WDR11: variants seen among roughly 807,000 people sequenced by gnomAD.
WDR11 encodes the protein WD repeat domain 11, also known as WD repeat-containing protein 11.
Under a neutral mutation model 151.2 loss-of-function variants are expected in WDR11, and 83 were observed. That is an observed-to-expected ratio of 0.55 (90% confidence interval 0.46 to 0.66). The LOEUF (loss-of-function observed/expected upper bound fraction) is 0.66, where lower values mean the gene tolerates loss of function less well. WDR11 is among the 30% of genes least tolerant of loss of function. The pLI is 0.00. For synonymous variants in WDR11, 484 were observed against 533.1 expected (o/e 0.91, Z 1.27); for missense variants, 1,301 against 1,480.9 (o/e 0.88, Z 1.99).
At chr10:120,896,785 G>C (rs1348474203) in intron 19 of WDR11, among the ~76,000 whole-genome samples, 1 of 152,140 alleles carries the variant, frequency 6.6e-6, no homozygotes, top group Non-Finnish European at 1.5e-5. Flanking sequence ...AAATGGCGGT[G>C]GTGGGAAGAA....
intron 9 of WDR11, chr10:120,868,668 A>G (rs1043484625): frequency 1.3e-5 from 2 of 152,150 alleles, no homozygotes; most frequent in African/African-American, 4.8e-5. Flanking sequence ...CAGTCACACA[A>G]TGGAAGAGCC....
chr10:120,898,931 T>A (rs1479739433), intron 19 of WDR11, among the ~76,000 whole-genome samples: 2 of 152,198 alleles, frequency 1.3e-5, no homozygotes, highest in East Asian at 1.9e-4. Flanking sequence ...TCATTTTACA[T>A]AATTGTGTCT....
At chr10:120,858,009 A>C (rs1413037682) in intron 2 of WDR11, among the ~76,000 whole-genome samples, 1 of 152,226 alleles carries the variant, frequency 6.6e-6, no homozygotes. Flanking sequence ...AGTGAGGACT[A>C]TGAAATTTTT....
At chr10:120,905,512 C>A in intron 26 of WDR11, 96 bp downstream of exon 26, 1 of 1,291,322 alleles carries the variant, frequency 7.7e-7, no homozygotes, top group Non-Finnish European at 1.1e-6. Flanking sequence ...ATTTTTTGGC[C>A]TGCAAAGCTG....
intron 4 of WDR11, 100 bp downstream of exon 4, chr10:120,860,382 G>GCTATGTGCATGAGATATACACACACA: frequency 7.1e-7 from 1 of 1,401,496 alleles, no homozygotes; most frequent in African/African-American, 1.4e-5. Flanking sequence ...CATCTATAAT[G>GCTATGTGCATGAGATATACACACACA]TTAAAATGAC....
intron 11 of WDR11, among the ~76,000 whole-genome samples, chr10:120,878,059 C>T (rs1782074091): frequency 6.6e-6 from 1 of 152,120 alleles, no homozygotes; most frequent in Admixed American, 6.5e-5. Context: ...TGTCATATGA[C>T]TCTCTCCCTG....
rs768445225 is a variant in WDR11, at chr10:120,862,871, C to T, written c.663C>T (p.Ala221=). Residue 221 remains alanine (A), a synonymous_variant, in exon 5 of 29, where the codon GCC becomes GCT. Coordinates refer to ENST00000263461, the MANE Select transcript of WDR11 (RefSeq NM_018117.12). ...ACAAGCTGGCCACAGCCACAGGTGCCAAGAAAGCTCTAAATAAAGTAAAAA... is the reference window on the plus strand; with the variant it reads ...ACAAGCTGGCCACAGCCACAGGTGCTAAGAAAGCTCTAAATAAAGTAAAAA... The part of the protein sequence containing the change: ...AHNKLATATG[A]KKALNKVKIL... The T allele has an allele frequency of 5.0e-6, 8 of 1,614,050 alleles. No individual in the cohort carries two copies. The Admixed American group carries it at 1.3e-4, about 27-fold the overall frequency.
In WDR11 at chr10:120,903,168, G is replaced by C. The variant is rs140254897; in HGVS notation, c.2867G>C (p.Arg956Pro). ...STTAPKEAAP[R>P]DKLSNPLDIC... ...ACAGCTCCTAAAGAAGCTGCTCCTC[G>C]AGACAAACTGAGCAACCCACTGGAT... Residue 956 changes from arginine to proline, a missense_variant, in exon 23 of 29, where the codon CGA becomes CCA. Physicochemically the swap from Arg to Pro is moderately radical, Grantham distance 103. Coordinates refer to ENST00000263461, the MANE Select transcript of WDR11 (RefSeq NM_018117.12). The C allele has an allele frequency of 1.2e-6, 2 of 1,614,164 alleles. No homozygotes were observed. The highest frequency in any genetic ancestry group is 8.5e-7 in the Non-Finnish European group (1 of 1,180,032).
intron 4 of WDR11, 112 bp from the exon 5 acceptor site, chr10:120,862,623 C>A: frequency 9.2e-7 from 1 of 1,092,058 alleles, no homozygotes; most frequent in Non-Finnish European, 1.4e-6. Flanking sequence ...ATAACATTGC[C>A]AGTTATATAT....
chr10:120,890,123 A>G, intron 18 of WDR11, 114 bp downstream of exon 18: 1 of 718,978 alleles, frequency 1.4e-6, no homozygotes, highest in Admixed American at 2.1e-5. Context: ...GAGTTCGTCA[A>G]GTTTCCCATA....
Position 120,905,916 on chromosome 10 carries a change from G to A in WDR11, c.3332G>A (p.Arg1111Gln), listed in dbSNP as rs1848022476. The A allele has an allele frequency of 9.3e-6, 15 of 1,613,980 alleles. No homozygotes were observed. Among genetic ancestry groups the A allele is most frequent in the Middle Eastern group, 1.7e-4 (1 of 6,060 alleles). The change falls in exon 27 of 29, where the codon CGG becomes CAG. Residue 1111 changes from arginine to glutamine, a missense_variant. Around this residue, in one of 3 missense-constraint regions of WDR11, gnomAD observed 589 missense variants for 670.6 expected, o/e 0.88. Transcript: ENST00000263461. ...GAGGAGTGTGCCGATGTTTTAAGGC[G>A]GTGGGTTGACCACCTTTGTTCTCCA... ...NPEECADVLR[R>Q]WVDHLCSPQV...
intron 23 of WDR11, 97 bp from the exon 24 acceptor site, chr10:120,903,950 G>T: frequency 1.2e-6 from 1 of 805,550 alleles, no homozygotes; most frequent in Non-Finnish European, 2.0e-6. Flanking sequence ...AAAAGTCAAA[G>T]TAGTTTATTA....
In WDR11 at chr10:120,908,239, TATC is replaced by T. The variant is rs1309575894; in HGVS notation, c.3518-314_3518-312del. On this transcript the variant is annotated intron_variant, in intron 28 of 28. Coordinates refer to ENST00000263461, the MANE Select transcript of WDR11 (RefSeq NM_018117.12). ...TATGCAGGTTAAGTTTCTCCTCTCT[TATC>T]ATTCATCTTCCAATCTTCAGTTGAG... 2.2e-5 allele frequency: 8 copies of T among 368,232 alleles called. No individual in the cohort carries two copies. In the Admixed American group the frequency reaches 2.6e-4, roughly 12 times the overall value. 22.8% of individuals were successfully genotyped at this position (368,232 alleles called of 1,614,324 possible). A position where few individuals can be genotyped will look rare whatever the true frequency, so the allele number is the denominator to read the frequency against.
At chr10:120,858,159 A>T (rs2241847) in intron 2 of WDR11, among the ~76,000 whole-genome samples, 37,265 of 151,512 alleles carry the variant, frequency 0.25, 5,017 homozygotes, top group African/African-American at 0.35. Flanking sequence ...AGAAAAACTT[A>T]ATGTTTTGTG....
rs750535769 is a variant in WDR11, at chr10:120,905,318, G to A, written c.3194-1G>A. 3 of 1,614,008 alleles carry A rather than the reference G, an allele frequency of 1.9e-6. No individual in the cohort carries two copies. The highest frequency in any genetic ancestry group is 2.5e-6 in the Non-Finnish European group (3 of 1,180,026). On this transcript the variant is annotated splice_acceptor_variant, in intron 25 of 28. Transcript: ENST00000263461. LOFTEE classifies it high-confidence loss of function. ...TAAGGGGATGCGCTTTTGTCTTTCA[G>A]AGGGCGTTCAGTTGCTCTGCCTGAT...
intron 27 of WDR11, 36 bp downstream of exon 27, chr10:120,906,057 C>T: frequency 6.2e-7 from 1 of 1,612,588 alleles, no homozygotes; most frequent in Non-Finnish European, 8.5e-7. Context: ...CTCAGGCCTG[C>T]CCGTGAGCAG....
chr10:120,863,528 T>TA (rs1448309157), intron 5 of WDR11, among the ~76,000 whole-genome samples: 1 of 152,248 alleles, frequency 6.6e-6, no homozygotes, highest in Non-Finnish European at 1.5e-5. Flanking sequence ...ATGTCATTGA[T>TA]ACATAGTAAT....
At position 120,866,671 on chromosome 10, in the gene WDR11, T is replaced by G. The variant is rs1343924662; in HGVS notation, c.1097T>G (p.Val366Gly). 6.8e-6 allele frequency: 11 copies of G among 1,614,162 alleles called. No individual in the cohort carries two copies. Among genetic ancestry groups the G allele is most frequent in the African/African-American group, 1.3e-5 (1 of 75,024 alleles). ...VRPFSMVCCP[V>G]NENAAALVVS... ...CCCTTCAGTATGGTGTGCTGTCCTGTCAATGAGAATGCAGCCGCCCTCGTA... is the reference window on the plus strand; with the variant it reads ...CCCTTCAGTATGGTGTGCTGTCCTGGCAATGAGAATGCAGCCGCCCTCGTA... The change falls in exon 8 of 29, where the codon GTC (valine) becomes GGC (glycine). Residue 366 changes from valine to glycine, a missense_variant. Val to Gly is a moderately radical substitution (Grantham distance 109, BLOSUM62 -3). This residue lies in a region of WDR11 where 692 missense variants were observed against 762.5 expected (regional missense o/e 0.91). Transcript: ENST00000263461.
chr10:120,873,775 CTT>C (rs1258546875), intron 10 of WDR11, 62 bp from the exon 11 acceptor site: 1 of 1,141,510 alleles, frequency 8.8e-7, no homozygotes, highest in Admixed American at 1.7e-5. Flanking sequence ...TGAGAAAAGA[CTT>C]TTCTTGCAAA....
Sources: allele counts gnomAD v4.1 joint callset (sites outside exome capture counted in the v4.1 genomes callset), GRCh38; gene constraint gnomAD v4.1.1; regional missense constraint gnomAD v4.1.1; transcripts MANE v1.5; gene names NCBI Gene and HGNC (gene_info 2026-07-23, HGNC 2026-07-21).